The following FCHO2 variants were observed in gnomAD, a reference collection of about 807,000 sequenced individuals.
FCHO2 encodes FCH and mu domain containing endocytic adaptor 2, also known as F-BAR domain only protein 2.
A neutral mutation model predicts 114.1 loss-of-function variants in FCHO2; 43 were observed. The observed-to-expected ratio is 0.38, with a 90% CI of 0.30 to 0.49. The LOEUF is 0.49. Among genes scored for constraint, FCHO2 ranks in the 20% least tolerant of loss-of-function variants. The pLI, the probability that FCHO2 is intolerant of heterozygous loss-of-function variation, is 0.97. For missense variants in FCHO2, 807 were observed against 950.4 expected, an observed-to-expected ratio of 0.85 and a Z score of 1.98; for synonymous variants, 293 against 315.2, an observed-to-expected ratio of 0.93 and a Z score of 0.75.
chr5:72,956,082 C>CGCG lies in FCHO2; in HGVS notation c.-6_-4dup, dbSNP rs1751512876. On this transcript the variant is annotated 5_prime_UTR_variant, in exon 1 of 26. Coordinates refer to ENST00000430046, the MANE Select transcript of FCHO2 (RefSeq NM_138782.3). ...GGGCGGGCGCGGACGCGGAACCCGG[C>CGCG]GCGGCGGCGGCACGATGGTCATGGC... 9.7e-6 allele frequency: 15 copies of CGCG among 1,538,880 alleles called. No individual in the cohort carries two copies. Among genetic ancestry groups the CGCG allele is most frequent in the African/African-American group, 1.4e-5 (1 of 70,826 alleles).
At chr5:72,974,264 C>G (rs982928597) in intron 2 of FCHO2, among the ~76,000 whole-genome samples, 1 of 133,642 alleles carries the variant, frequency 7.5e-6, no homozygotes, top group African/African-American at 2.8e-5. Context: ...TCCTTGTTGA[C>G]TTTCTGTCTC....
At chr5:73,005,368 A>T (rs1049430495) in intron 5 of FCHO2, among the ~76,000 whole-genome samples, 2 of 152,140 alleles carry the variant, frequency 1.3e-5, no homozygotes, top group African/African-American at 4.8e-5. Flanking sequence ...GCACTTAGCA[A>T]CACTTTTATT....
chr5:72,968,336 A>G lies in FCHO2; in HGVS notation c.34-162A>G, dbSNP rs1752320274. On this transcript the variant is annotated intron_variant, in intron 1 of 25. Coordinates refer to ENST00000430046, the MANE Select transcript of FCHO2 (RefSeq NM_138782.3). ...AATTGTAAACTTTATTAAAGCATAT[A>G]ATATTGCTTTATACTGTTTAAAATC... is the stretch of plus-strand genomic sequence containing the variant. Among the ~76,000 whole-genome samples the G allele has an allele frequency of 8.5e-5, 13 of 152,354 alleles. No homozygotes were observed. In the South Asian group the frequency reaches 2.7e-3, roughly 32 times the overall value.
chr5:73,026,294 AC>A (rs942459972), intron 8 of FCHO2, among the ~76,000 whole-genome samples: 1 of 151,838 alleles, frequency 6.6e-6, no homozygotes, highest in Non-Finnish European at 1.5e-5. Flanking sequence ...ATGTGGTGAA[AC>A]CCTGTCTCTA....
rs1753707664 is a variant in FCHO2 at position 72,989,441 on chromosome 5, A to T, written c.140A>T (p.Glu47Val). Reference protein sequence around the residue: ...DFVRERATIEEAYSRSMTKLA... With the variant: ...DFVRERATIEVAYSRSMTKLA... ...TGATTTAACAGAGCTACCATAGAGG[A>T]GGCATACTCCAGGTCAATGACAAAA... The change falls in exon 3 of 26, where the codon GAG becomes GTG. Residue 47 changes from glutamate to valine, a missense_variant. Glu to Val is a moderately radical substitution (Grantham distance 121, BLOSUM62 -2). Transcript: ENST00000430046. 6.2e-7 allele frequency: 1 copy of T among 1,606,282 alleles called. No individual in the cohort carries two copies. The highest frequency in any genetic ancestry group is 1.1e-5 in the South Asian group (1 of 89,240).
At chr5:72,994,103 A>G (rs896232813) in intron 5 of FCHO2, among the ~76,000 whole-genome samples, 11 of 152,216 alleles carry the variant, frequency 7.2e-5, no homozygotes, top group African/African-American at 2.7e-4. Flanking sequence ...AAGACACCAA[A>G]AGCAATTGCA....
rs552146772 is a variant in FCHO2 at position 73,087,213 on chromosome 5, T to A, written c.2246-376T>A. 9.8e-5 allele frequency among the ~76,000 whole-genome samples: 15 copies of A among 152,314 alleles called. No individual in the cohort carries two copies. The East Asian group carries it at 2.9e-3, about 29-fold the overall frequency. ...CCGTAGTTACCTTTCCATCTTTACTTCTTCTACTACTCAGTAGTCATTTCT... is the reference window on the plus strand; with the variant it reads ...CCGTAGTTACCTTTCCATCTTTACTACTTCTACTACTCAGTAGTCATTTCT... On this transcript the variant is annotated intron_variant, in intron 24 of 25. Coordinates refer to ENST00000430046, the MANE Select transcript of FCHO2 (RefSeq NM_138782.3).
At chr5:72,994,174 G>T (rs1333698258) in intron 5 of FCHO2, among the ~76,000 whole-genome samples, 4 of 152,230 alleles carry the variant, frequency 2.6e-5, no homozygotes, top group Admixed American at 1.3e-4. Context: ...CACAGCAAAA[G>T]AAACTATCAA....
intron 9 of FCHO2, among the ~76,000 whole-genome samples, chr5:73,036,089 G>T (rs567189021): frequency 6.6e-6 from 1 of 151,944 alleles, no homozygotes; most frequent in East Asian, 1.9e-4. Context: ...TAGGTGATCC[G>T]CCCACGTCGG....
intron 3 of FCHO2, among the ~76,000 whole-genome samples, 156 bp downstream of exon 3, chr5:72,989,657 A>G (rs1427836819): frequency 2.6e-5 from 4 of 152,220 alleles, no homozygotes; most frequent in Non-Finnish European, 4.4e-5. Context: ...CTTGATAGAA[A>G]ATATAATTGA....
At position 73,054,382 on chromosome 5, in the gene FCHO2, T is replaced by C. The variant is rs545633120; in HGVS notation, c.1186-143T>C. The C allele has an allele frequency of 5.1e-5, 44 of 861,296 alleles. No homozygotes were observed. In the East Asian group the frequency reaches 1.1e-3, roughly 22 times the overall value. The allele number at this position is 861,296 out of a possible 1,614,324, so 53.4% of individuals were successfully genotyped here. Reference sequence around the variant, plus strand: ...AACAAAAACTACTGTTTTTTCTCTATATCTTTTATGTAAATACACTTTACA... The same window carrying C: ...AACAAAAACTACTGTTTTTTCTCTACATCTTTTATGTAAATACACTTTACA... On this transcript the variant is annotated intron_variant, in intron 14 of 25. Transcript: ENST00000430046.
Position 73,063,807 on chromosome 5 carries a change from A to T in FCHO2, c.1346-34A>T, listed in dbSNP as rs556576444. 2.0e-5 allele frequency: 32 copies of T among 1,573,024 alleles called. No individual in the cohort carries two copies. The South Asian group carries it at 3.2e-4, about 16-fold the overall frequency. On this transcript the variant is annotated intron_variant, in intron 17 of 25. Coordinates refer to ENST00000430046, the MANE Select transcript of FCHO2 (RefSeq NM_138782.3). ...ATGTAAGGATTGCTACATACTAATG[A>T]TTTTCTTCAAATTCTCTTTTCCCCC...
intron 24 of FCHO2, among the ~76,000 whole-genome samples, chr5:73,085,086 C>T (rs758069505): frequency 5.3e-5 from 8 of 152,226 alleles, no homozygotes; most frequent in Non-Finnish European, 1.2e-4. Context: ...TGCAGTGGCT[C>T]ATGCCTGTAA....
At chr5:72,983,547 C>CTTT (rs35592345) in intron 2 of FCHO2, among the ~76,000 whole-genome samples, 12 of 112,884 alleles carry the variant, frequency 1.1e-4, no homozygotes, top group Non-Finnish European at 1.5e-4. Flanking sequence ...AGTGACAATA[C>CTTT]TTTTTTTTTT....
chr5:72,957,106 G>A (rs1751592698), intron 1 of FCHO2, among the ~76,000 whole-genome samples: 1 of 152,018 alleles, frequency 6.6e-6, no homozygotes. Context: ...CCTCAAGCAT[G>A]GTCTTGGTTA....
chr5:73,087,765 G>A lies in FCHO2; in HGVS notation c.2410+12G>A. The A allele has an allele frequency of 6.4e-7, 1 of 1,551,268 alleles. No homozygotes were observed. Among genetic ancestry groups the A allele is most frequent in the Non-Finnish European group, 8.7e-7 (1 of 1,153,310 alleles). ...GCGGTTTGCTACTGGTAAGTTAGGA[G>A]ATTTCAAACTTTTTAATGTACATGG... On this transcript the variant is annotated intron_variant, in intron 25 of 25. Coordinates refer to ENST00000430046, the MANE Select transcript of FCHO2 (RefSeq NM_138782.3).
At chr5:73,034,862 C>G (rs1186164398) in intron 9 of FCHO2, among the ~76,000 whole-genome samples, 161 bp downstream of exon 9, 7 of 152,172 alleles carry the variant, frequency 4.6e-5, no homozygotes, top group Non-Finnish European at 8.8e-5. Flanking sequence ...GCAGATGCTA[C>G]TTGCTGCTTA....
chr5:73,082,876 ATTTTT>A, intron 24 of FCHO2, 51 bp downstream of exon 24: 1 of 1,210,576 alleles, frequency 8.3e-7, no homozygotes, highest in Non-Finnish European at 1.1e-6. Flanking sequence ...CTGAAAATTG[ATTTTT>A]TTTTTTTTTT....
intron 2 of FCHO2, among the ~76,000 whole-genome samples, chr5:72,986,021 G>C (rs1245522463): frequency 6.6e-6 from 1 of 151,630 alleles, no homozygotes. Flanking sequence ...TCTCTTCTCT[G>C]TTTTTCATTC....
Sources: gnomAD v4.1 joint callset for allele counts (sites outside exome capture counted in the v4.1 genomes callset) on GRCh38, gnomAD v4.1.1 for gene constraint, MANE v1.5 for transcripts, NCBI Gene and HGNC (gene_info 2026-07-23, HGNC 2026-07-21) for gene names.